Variants in ZBBX observed in about 807,000 individuals in gnomAD.
ZBBX encodes zinc finger B-box domain-containing protein 1.
In ZBBX, 101 loss-of-function variants were observed where a neutral mutation model predicts 108.5. The observed-to-expected ratio is 0.93, with a 90% confidence interval of 0.79 to 1.10. The LOEUF (loss-of-function observed/expected upper bound fraction) is 1.10, where lower values mean the gene tolerates loss of function less well. ZBBX is among the 50% of genes least tolerant of loss of function. ZBBX has a pLI of 0.00. For synonymous variants in ZBBX, 356 were observed against 323.4 expected (o/e 1.10, Z -1.08); for missense variants, 1,009 against 941.4 (o/e 1.07, Z -0.94).
At chr3:167,297,038 T>C (rs1731804327) in intron 18 of ZBBX, among the ~76,000 whole-genome samples, 1 of 151,936 alleles carries the variant, frequency 6.6e-6, no homozygotes, top group South Asian at 2.1e-4. Flanking sequence ...TACAGACCAA[T>C]GAAATGGGAT....
At position 167,315,835 on chromosome 3, in the gene ZBBX, T is replaced by A. The variant is rs758895728; in HGVS notation, c.1195-6A>T. 7 of 1,539,578 alleles carry A rather than the reference T, an allele frequency of 4.5e-6. No individual in the cohort carries two copies. Among genetic ancestry groups the A allele is most frequent in the Non-Finnish European group, 6.2e-6 (7 of 1,123,752 alleles). On this transcript the variant is annotated splice_region_variant and splice_polypyrimidine_tract_variant and intron_variant, in intron 14 of 21. Coordinates refer to ENST00000675490, the MANE Select transcript of ZBBX (RefSeq NM_001199201.2). ...TCAAATTCCTCTTCATAAGTCTTAT[T>A]AAATTAATGTTATATAATATTAGTA... is the stretch of plus-strand genomic sequence containing the variant.
intron 4 of ZBBX, among the ~76,000 whole-genome samples, chr3:167,369,406 G>A (rs1745824422): frequency 6.6e-6 from 1 of 152,158 alleles, no homozygotes; most frequent in Admixed American, 6.5e-5. Flanking sequence ...TCTTTCTAGA[G>A]GTAGCAAGCA....
intron 20 of ZBBX, among the ~76,000 whole-genome samples, chr3:167,270,192 C>A (rs1000751697): frequency 2.0e-5 from 3 of 152,136 alleles, no homozygotes; most frequent in African/African-American, 7.2e-5. Context: ...GTATGCAGAA[C>A]CTGAGGTCAA....
At chr3:167,265,963 G>A (rs1374641150) in intron 20 of ZBBX, among the ~76,000 whole-genome samples, 2 of 152,226 alleles carry the variant, frequency 1.3e-5, no homozygotes, top group East Asian at 1.9e-4. Flanking sequence ...TTGCTGCCAG[G>A]AGGTGGGGGA....
chr3:167,252,517 G>A (rs1228804511), intron 20 of ZBBX, among the ~76,000 whole-genome samples: 1 of 151,030 alleles, frequency 6.6e-6, no homozygotes, highest in Non-Finnish European at 1.5e-5. Context: ...AGCCTGATAT[G>A]TCATCTTCTT....
At chr3:167,331,615 T>A (rs1414290006) in intron 10 of ZBBX, 1 of 985,308 alleles carries the variant, frequency 1.0e-6, no homozygotes, top group Non-Finnish European at 1.2e-6. Context: ...GGGTTGTACA[T>A]TAGCTCTTAA....
chr3:167,244,571 G>C (rs1721236483), intron 20 of ZBBX, among the ~76,000 whole-genome samples: 1 of 152,172 alleles, frequency 6.6e-6, no homozygotes, highest in Non-Finnish European at 1.5e-5. Context: ...CAGGAACAAA[G>C]GTGATACCAC....
chr3:167,271,617 A>AT, intron 20 of ZBBX, among the ~76,000 whole-genome samples: 1 of 152,204 alleles, frequency 6.6e-6, no homozygotes, highest in Admixed American at 6.5e-5. Context: ...TGTGTGACGT[A>AT]GTTCTCAGAG....
At chr3:167,257,761 A>G (rs558333528) in intron 20 of ZBBX, among the ~76,000 whole-genome samples, 1 of 152,114 alleles carries the variant, frequency 6.6e-6, no homozygotes, top group South Asian at 2.1e-4. Flanking sequence ...AGCGATATTG[A>G]GCATTTTTTC....
At chr3:167,215,022 T>A in the ZBBX span, among the ~76,000 whole-genome samples, 1 of 135,078 alleles carries the variant, frequency 7.4e-6, no homozygotes, top group African/African-American at 2.7e-5. Flanking sequence ...AATGCCCACA[T>A]CAAAAACTTA....
the ZBBX span, among the ~76,000 whole-genome samples, chr3:167,180,655 G>T: frequency 3.9e-5 from 6 of 152,192 alleles, no homozygotes; most frequent in African/African-American, 1.4e-4. Flanking sequence ...CTGGCAAATT[G>T]TTGAACTGTT....
chr3:167,298,742 T>C (rs1732096343), intron 17 of ZBBX, among the ~76,000 whole-genome samples: 1 of 152,084 alleles, frequency 6.6e-6, no homozygotes, highest in African/African-American at 2.4e-5. Flanking sequence ...TTTTCATCCC[T>C]CAGTGTCTTT....
chr3:167,326,955 T>C (rs1737496967), intron 11 of ZBBX, among the ~76,000 whole-genome samples: 1 of 151,896 alleles, frequency 6.6e-6, no homozygotes, highest in South Asian at 2.1e-4. Flanking sequence ...ATGATTGAAA[T>C]TTATTATCTA....
chr3:167,303,761 T>C (rs1280646846), intron 17 of ZBBX, among the ~76,000 whole-genome samples: 1 of 152,204 alleles, frequency 6.6e-6, no homozygotes, highest in East Asian at 1.9e-4. Context: ...AATGTCAATC[T>C]AGTAATTGCT....
chr3:167,233,026 A>G, the ZBBX span, among the ~76,000 whole-genome samples: 4 of 151,686 alleles, frequency 2.6e-5, no homozygotes, highest in South Asian at 8.3e-4. Context: ...CATCCACCTT[A>G]AGGCTTAGCA....
At chr3:167,249,806 T>C (rs765814839) in intron 20 of ZBBX, among the ~76,000 whole-genome samples, 2 of 152,102 alleles carry the variant, frequency 1.3e-5, no homozygotes, top group African/African-American at 2.4e-5. Context: ...CTTTCATATA[T>C]AGCGTCAGAG....
At chr3:167,390,660 T>C (rs967377888) in intron 1 of ZBBX, among the ~76,000 whole-genome samples, 3 of 152,148 alleles carry the variant, frequency 2.0e-5, no homozygotes, top group African/African-American at 7.2e-5. Context: ...TCCTCTCTTA[T>C]TTCCTTGAGC....
At chr3:167,226,374 T>G in the ZBBX span, among the ~76,000 whole-genome samples, 1 of 151,706 alleles carries the variant, frequency 6.6e-6, no homozygotes, top group Non-Finnish European at 1.5e-5. Context: ...CGGAAACAAA[T>G]GAGTGATGAC....
intron 17 of ZBBX, among the ~76,000 whole-genome samples, chr3:167,301,611 G>A (rs1257258850): frequency 3.9e-5 from 6 of 151,986 alleles, no homozygotes; most frequent in Admixed American, 3.9e-4. Context: ...TGATGTTTTT[G>A]CTTACATTCA....
Sources: gnomAD v4.1 joint callset for allele counts (sites outside exome capture counted in the v4.1 genomes callset) on GRCh38, gnomAD v4.1.1 for gene constraint, MANE v1.5 for transcripts, NCBI Gene and HGNC (gene_info 2026-07-23, HGNC 2026-07-21) for gene names.